The following CDH12 variants were observed in gnomAD, a reference collection of about 807,000 sequenced individuals.
The protein encoded by CDH12 is cadherin 12.
Under a neutral mutation model 74.1 loss-of-function variants are expected in CDH12, and 41 were observed. That is an observed-to-expected ratio of 0.55 (90% confidence interval 0.43 to 0.72). The LOEUF (loss-of-function observed/expected upper bound fraction) is 0.72. Ranked by LOEUF, CDH12 falls within the 30% of genes least tolerant of loss-of-function variation. The pLI, the probability that CDH12 is intolerant of heterozygous loss-of-function variation, is 0.00. For missense variants in CDH12, 945 were observed against 977.2 expected (o/e 0.97, Z 0.44); for synonymous variants, 399 against 355.0 (o/e 1.12, Z -1.39).
chr5:22,191,239 G>A (rs939623053), intron 4 of CDH12, among the ~76,000 whole-genome samples: 5 of 151,998 alleles, frequency 3.3e-5, no homozygotes, highest in African/African-American at 1.2e-4. Flanking sequence ...ATTTTCCCAA[G>A]AGGTGTTTCT....
At chr5:22,790,506 T>C (rs1344886273) in intron 1 of CDH12, among the ~76,000 whole-genome samples, 1 of 152,068 alleles carries the variant, frequency 6.6e-6, no homozygotes, top group East Asian at 1.9e-4. Context: ...GTAACTTTCA[T>C]CTTATCCGTT....
chr5:22,586,983 A>G (rs1453272228), intron 1 of CDH12, among the ~76,000 whole-genome samples: 2 of 151,612 alleles, frequency 1.3e-5, no homozygotes, highest in African/African-American at 2.4e-5. Context: ...AGTAGCTGAG[A>G]TTATACCACG....
intron 8 of CDH12, among the ~76,000 whole-genome samples, chr5:21,836,659 G>A (rs551271821): frequency 1.3e-5 from 2 of 151,668 alleles, no homozygotes; most frequent in African/African-American, 2.4e-5. Context: ...GTTAATTAAC[G>A]GCATCACTTA....
intron 3 of CDH12, among the ~76,000 whole-genome samples, chr5:22,248,585 G>A (rs1753036885): frequency 6.6e-6 from 1 of 151,950 alleles, no homozygotes; most frequent in African/African-American, 2.4e-5. Context: ...CCACACTTTG[G>A]ACTAATCCAA....
chr5:21,926,453 A>G (rs1159925762), intron 6 of CDH12, among the ~76,000 whole-genome samples: 2 of 152,146 alleles, frequency 1.3e-5, no homozygotes, highest in East Asian at 1.9e-4. Flanking sequence ...TTTCCTCTAT[A>G]TATCTATCTA....
At chr5:22,255,587 A>G (rs1233511746) in intron 3 of CDH12, among the ~76,000 whole-genome samples, 2 of 151,762 alleles carry the variant, frequency 1.3e-5, no homozygotes, top group African/African-American at 2.4e-5. Flanking sequence ...TCTCAAGGTC[A>G]GTATTTAAGT....
chr5:22,321,410 C>CGCATA (rs1416765821), intron 3 of CDH12, among the ~76,000 whole-genome samples: 1 of 140,894 alleles, frequency 7.1e-6, no homozygotes, highest in Non-Finnish European at 1.5e-5. Context: ...AACCAAACAC[C>CGCATA]GCATATTCTC....
chr5:22,679,895 C>T (rs1054230906), intron 1 of CDH12, among the ~76,000 whole-genome samples: 15 of 152,064 alleles, frequency 9.9e-5, no homozygotes, highest in African/African-American at 3.6e-4. Context: ...AAATCTTTTT[C>T]TGCGTTTGCT....
At chr5:22,707,149 A>G (rs577387872) in intron 1 of CDH12, among the ~76,000 whole-genome samples, 2 of 152,282 alleles carry the variant, frequency 1.3e-5, no homozygotes, top group South Asian at 4.1e-4. Context: ...AGAGTGATTC[A>G]AGAAGACACA....
At chr5:22,357,884 T>A (rs1580560120) in intron 3 of CDH12, among the ~76,000 whole-genome samples, 1 of 152,150 alleles carries the variant, frequency 6.6e-6, no homozygotes, top group Admixed American at 6.6e-5. Flanking sequence ...AAGTTCTTAT[T>A]TAAAAATGCA....
At chr5:22,661,878 C>T (rs1017084538) in intron 1 of CDH12, among the ~76,000 whole-genome samples, 3 of 151,968 alleles carry the variant, frequency 2.0e-5, no homozygotes, top group Non-Finnish European at 4.4e-5. Context: ...TAGTAAATTG[C>T]TTGAATGTAT....
At chr5:22,715,446 A>G (rs1743522399) in intron 1 of CDH12, among the ~76,000 whole-genome samples, 1 of 152,146 alleles carries the variant, frequency 6.6e-6, no homozygotes, top group South Asian at 2.1e-4. Flanking sequence ...TTGTGCTGCT[A>G]CTCAGTACCA....
At chr5:22,432,345 C>A (rs1467582857) in intron 2 of CDH12, among the ~76,000 whole-genome samples, 1 of 151,972 alleles carries the variant, frequency 6.6e-6, no homozygotes, top group Non-Finnish European at 1.5e-5. Context: ...CTTCACAAAA[C>A]GATGAAATTG....
intron 1 of CDH12, among the ~76,000 whole-genome samples, chr5:22,725,268 G>T (rs1278187270): frequency 6.6e-6 from 1 of 151,808 alleles, no homozygotes; most frequent in East Asian, 1.9e-4. Flanking sequence ...ATTTCATCAT[G>T]TATAAAGTAT....
intron 6 of CDH12, among the ~76,000 whole-genome samples, chr5:21,885,387 T>C (rs1397205473): frequency 6.6e-6 from 1 of 152,184 alleles, no homozygotes; most frequent in Non-Finnish European, 1.5e-5. Flanking sequence ...TCTCAATTAC[T>C]ATGCCACTCA....
chr5:21,757,177 A>G (rs1450692337), intron 13 of CDH12, among the ~76,000 whole-genome samples: 2 of 151,932 alleles, frequency 1.3e-5, no homozygotes, highest in African/African-American at 2.4e-5. Context: ...TTTATTTTCA[A>G]TTTATTTATT....
chr5:22,356,538 C>T (rs1211927159), intron 3 of CDH12, among the ~76,000 whole-genome samples: 1 of 151,996 alleles, frequency 6.6e-6, no homozygotes, highest in Non-Finnish European at 1.5e-5. Context: ...TATTAATTCC[C>T]AAAGTGATTA....
intron 11 of CDH12, among the ~76,000 whole-genome samples, chr5:21,771,863 G>T (rs1293199699): frequency 6.6e-6 from 1 of 152,114 alleles, no homozygotes; most frequent in African/African-American, 2.4e-5. Flanking sequence ...TCCTTTTAGG[G>T]CCTAGCTATC....
At chr5:22,121,589 T>C (rs1745513076) in intron 4 of CDH12, among the ~76,000 whole-genome samples, 1 of 152,176 alleles carries the variant, frequency 6.6e-6, no homozygotes, top group Admixed American at 6.5e-5. Context: ...ACTTCACAAT[T>C]CTTGATAATT....
Sources: gnomAD v4.1 joint callset for allele counts (sites outside exome capture counted in the v4.1 genomes callset) on GRCh38, gnomAD v4.1.1 for gene constraint, MANE v1.5 for transcripts, NCBI Gene and HGNC (gene_info 2026-07-23, HGNC 2026-07-21) for gene names.